ZNF148: variants seen among roughly 807,000 people sequenced by gnomAD.
ZNF148 encodes Beta-Enolase Repressor Factor-1.
ZNF148 carries 7 observed loss-of-function variants against 67.7 expected under a neutral mutation model. That is an observed-to-expected ratio of 0.10 (90% CI 0.06 to 0.19). ZNF148 has a LOEUF of 0.19. Ranked by LOEUF, ZNF148 falls within the 10% of genes least tolerant of loss-of-function variation. The pLI, the probability that ZNF148 is intolerant of heterozygous loss-of-function variation, is 1.00. For synonymous variants in ZNF148, 333 were observed against 330.7 expected (o/e 1.01, Z -0.08); for missense variants, 583 against 947.1 (o/e 0.62, Z 5.05).
intron 2 of ZNF148, among the ~76,000 whole-genome samples, chr3:125,330,420 C>G (rs1941235086): frequency 7.0e-6 from 1 of 143,044 alleles, no homozygotes; most frequent in Non-Finnish European, 1.5e-5. Flanking sequence ...GAGCCAAGAT[C>G]ACACCACTGC....
Position 125,233,882 on chromosome 3 carries a change from C to A in ZNF148, c.844G>T (p.Asp282Tyr). 1 of 1,611,892 alleles carries A rather than the reference C, an allele frequency of 6.2e-7. No individual in the cohort carries two copies. Among genetic ancestry groups the A allele is most frequent in the Non-Finnish European group, 8.5e-7 (1 of 1,179,556 alleles). ...KHKRMCHENH[D>Y]KKLNRCAIKG... ...ATGGCACATCTATTTAGTTTTTTGT[C>A]ATGATTTTCATGGCACATACGTTTA... Residue 282 changes from aspartate (D) to tyrosine (Y), a missense_variant, in exon 9 of 9, where the codon GAC becomes TAC. Around this residue, in one of 5 missense-constraint regions of ZNF148, gnomAD observed 78 missense variants for 86.5 expected, o/e 0.90. Coordinates refer to ENST00000360647, the MANE Select transcript of ZNF148 (RefSeq NM_021964.3). This position sits in a 1 kb window ranked among gnomAD's most constrained non-coding sequence, Gnocchi z 5.1.
chr3:125,319,744 C>T (rs753707096), intron 3 of ZNF148, among the ~76,000 whole-genome samples: 2 of 152,170 alleles, frequency 1.3e-5, no homozygotes, highest in Non-Finnish European at 2.9e-5. Context: ...AGCATATCCC[C>T]ATTTAACAGA....
At chr3:125,281,662 G>A (rs1380440052) in intron 5 of ZNF148, among the ~76,000 whole-genome samples, 1 of 152,146 alleles carries the variant, frequency 6.6e-6, no homozygotes, top group African/African-American at 2.4e-5. Flanking sequence ...TTGTTTTCTG[G>A]CACTGGAGGT....
At chr3:125,359,875 C>T (rs1037545436) in intron 1 of ZNF148, among the ~76,000 whole-genome samples, 1 of 152,244 alleles carries the variant, frequency 6.6e-6, no homozygotes, top group Non-Finnish European at 1.5e-5. Flanking sequence ...AAGTGGGCGG[C>T]AGCCCACCCG....
intron 7 of ZNF148, among the ~76,000 whole-genome samples, chr3:125,256,167 T>C (rs1166994524): frequency 6.7e-6 from 1 of 149,866 alleles, no homozygotes; most frequent in African/African-American, 2.5e-5. Flanking sequence ...ATCGAGCCCA[T>C]CCTGGCTAAC....
intron 7 of ZNF148, among the ~76,000 whole-genome samples, chr3:125,241,447 C>T (rs1936354993): frequency 1.3e-5 from 2 of 151,846 alleles, no homozygotes; most frequent in South Asian, 4.2e-4. Context: ...GGTTTCTTGA[C>T]ACAACATAAG....
intron 4 of ZNF148, among the ~76,000 whole-genome samples, chr3:125,296,904 A>G (rs1461779569): frequency 6.6e-6 from 1 of 152,078 alleles, no homozygotes; most frequent in Non-Finnish European, 1.5e-5. Flanking sequence ...TTATACAAAC[A>G]CAAATATAGA....
At chr3:125,258,702 T>G (rs1451506867) in intron 7 of ZNF148, among the ~76,000 whole-genome samples, 3 of 152,204 alleles carry the variant, frequency 2.0e-5, no homozygotes, top group African/African-American at 7.2e-5. Context: ...CTTTTAGTGC[T>G]TCAGTTTGGT....
rs752682682 is a variant in ZNF148, at chr3:125,279,088, T to G, written c.583+36A>C. The G allele has an allele frequency of 3.2e-6, 5 of 1,554,832 alleles. No individual in the cohort carries two copies. The Admixed American group carries it at 9.4e-5, about 29-fold the overall frequency. On this transcript the variant is annotated intron_variant, in intron 6 of 8. Coordinates refer to ENST00000360647, the MANE Select transcript of ZNF148 (RefSeq NM_021964.3). ...GATGAAAATAACAAAGATAATAACT[T>G]TAATGGCCACAAGCCCATTTTAATT...
chr3:125,316,852 G>A (rs868868170), intron 3 of ZNF148, among the ~76,000 whole-genome samples: 1 of 151,956 alleles, frequency 6.6e-6, no homozygotes, highest in African/African-American at 2.4e-5. Flanking sequence ...TTTTTAGCTC[G>A]ATGTGATTTT....
intron 7 of ZNF148, among the ~76,000 whole-genome samples, chr3:125,245,704 C>T (rs1936567505): frequency 6.6e-6 from 1 of 152,186 alleles, no homozygotes; most frequent in African/African-American, 2.4e-5. Context: ...CTTCTCTCCA[C>T]TTCCCACTGT....
intron 5 of ZNF148, among the ~76,000 whole-genome samples, 162 bp downstream of exon 5, chr3:125,287,941 T>C (rs1302456528): frequency 5.9e-5 from 9 of 152,086 alleles, no homozygotes; most frequent in Non-Finnish European, 1.2e-4. Flanking sequence ...GCAGAAAAAT[T>C]GAAAGCAAGG....
intron 1 of ZNF148, among the ~76,000 whole-genome samples, chr3:125,347,501 T>C (rs972865559): frequency 5.9e-5 from 9 of 152,122 alleles, no homozygotes; most frequent in African/African-American, 1.9e-4. Flanking sequence ...GATCAAGGAA[T>C]AGAATTTAGA....
chr3:125,329,064 T>C (rs917119253), intron 2 of ZNF148, among the ~76,000 whole-genome samples: 20 of 151,066 alleles, frequency 1.3e-4, no homozygotes, highest in African/African-American at 4.4e-4. Context: ...ACAATGATTA[T>C]ACTGAATGGG....
chr3:125,271,815 C>T (rs542540685), intron 7 of ZNF148, among the ~76,000 whole-genome samples: 1 of 152,160 alleles, frequency 6.6e-6, no homozygotes, highest in Admixed American at 6.5e-5. Context: ...CAATGAAGTA[C>T]CTGCCTCCTT....
chr3:125,351,735 A>G (rs181326804), intron 1 of ZNF148, among the ~76,000 whole-genome samples: 128 of 152,344 alleles, frequency 8.4e-4, no homozygotes, highest in African/African-American at 3.0e-3. Context: ...AAAAACAGGC[A>G]AAAGATCAGA....
intron 2 of ZNF148, among the ~76,000 whole-genome samples, chr3:125,329,346 TTTACATATATAAAA>T (rs1204726604): frequency 4.8e-3 from 73 of 15,158 alleles, no homozygotes; most frequent in South Asian, 7.3e-3. Flanking sequence ...TATATAAAAT[TTTACATATATAAAA>T]TTTTTTTTTT....
At chr3:125,372,642 T>C (rs1226156711) in intron 1 of ZNF148, among the ~76,000 whole-genome samples, 1 of 152,206 alleles carries the variant, frequency 6.6e-6, no homozygotes, top group Non-Finnish European at 1.5e-5. Flanking sequence ...CTGCTGTTTT[T>C]CATTGTAAGT....
intron 4 of ZNF148, among the ~76,000 whole-genome samples, chr3:125,291,131 C>G (rs566801294): frequency 6.6e-6 from 1 of 152,258 alleles, no homozygotes; most frequent in South Asian, 2.1e-4. Context: ...ATGACTGACT[C>G]CTTGGAATCA....
Sources: allele counts gnomAD v4.1 joint callset (sites outside exome capture counted in the v4.1 genomes callset), GRCh38; gene constraint gnomAD v4.1.1; regional missense constraint gnomAD v4.1.1; non-coding constraint Gnocchi (gnomAD v3.1); transcripts MANE v1.5; gene names NCBI Gene and HGNC (gene_info 2026-07-23, HGNC 2026-07-21).